Variants in SLC16A9 observed in about 807,000 individuals in gnomAD.
SLC16A9 encodes solute carrier family 16 member 9, also known as monocarboxylate transporter 9.
Under a neutral mutation model 44.3 loss-of-function variants are expected in SLC16A9, and 26 were observed. That is an observed-to-expected ratio of 0.59 (90% CI 0.43 to 0.81). SLC16A9 has a LOEUF of 0.81. SLC16A9 is among the 40% of genes least tolerant of loss of function. The pLI, the probability that SLC16A9 is intolerant of heterozygous loss-of-function variation, is 0.00. For synonymous variants in SLC16A9, 230 were observed against 225.1 expected (o/e 1.02, Z -0.19); for missense variants, 559 against 595.8 (o/e 0.94, Z 0.64).
At chr10:59,696,913 A>C in intron 1 of SLC16A9, among the ~76,000 whole-genome samples, 1 of 93,192 alleles carries the variant, frequency 1.1e-5, no homozygotes, top group Admixed American at 1.2e-4. Context: ...CCCGACAGCC[A>C]CCCCGTCCGG....
At chr10:59,680,527 T>C (rs984422601) in intron 2 of SLC16A9, among the ~76,000 whole-genome samples, 3 of 152,342 alleles carry the variant, frequency 2.0e-5, no homozygotes, top group South Asian at 2.1e-4. Context: ...GCATGAGTAG[T>C]GCCACACACA....
rs1470048246 is a variant in SLC16A9, at chr10:59,654,483, T to C, written c.543A>G (p.Ile181Met). ...GTCTCATCAGACTGCCACAGGCTAATATATTTAAAGCTAAAGCACCCACAA... is the reference window on the plus strand; with the variant it reads ...GTCTCATCAGACTGCCACAGGCTAACATATTTAAAGCTAAAGCACCCACAA... ...LLIVGALALNILACGSLMRPL... is the reference protein window; with the variant it reads ...LLIVGALALNMLACGSLMRPL... Residue 181 changes from isoleucine to methionine, a missense_variant, in exon 5 of 6, where the codon ATA becomes ATG. Coordinates refer to ENST00000395348, the MANE Select transcript of SLC16A9 (RefSeq NM_194298.3). The C allele has an allele frequency of 6.2e-6, 10 of 1,612,532 alleles. No homozygotes were observed. The highest frequency in any genetic ancestry group is 8.5e-6 in the Non-Finnish European group (10 of 1,180,042).
At chr10:59,703,592 G>A (rs1183456057) in intron 1 of SLC16A9, among the ~76,000 whole-genome samples, 1 of 152,170 alleles carries the variant, frequency 6.6e-6, no homozygotes, top group African/African-American at 2.4e-5. Context: ...AAGTCAGAAG[G>A]AATTTTGGAA....
At chr10:59,707,013 A>C (rs1445623567) in intron 1 of SLC16A9, among the ~76,000 whole-genome samples, 1 of 150,894 alleles carries the variant, frequency 6.6e-6, no homozygotes, top group African/African-American at 2.4e-5. Flanking sequence ...AAAAAAAAAA[A>C]AAAGGGAAGT....
chr10:59,673,224 T>G (rs73265514), intron 2 of SLC16A9, among the ~76,000 whole-genome samples: 11,399 of 152,228 alleles, frequency 0.075, 586 homozygotes, highest in African/African-American at 0.13. Flanking sequence ...TTGGTAGCTA[T>G]TCGGTCTTGG....
chr10:59,674,261 G>T (rs572506361), intron 2 of SLC16A9, among the ~76,000 whole-genome samples: 5 of 152,094 alleles, frequency 3.3e-5, no homozygotes, highest in Admixed American at 1.3e-4. Context: ...ACAGAGGTAG[G>T]TTCCAATAAC....
chr10:59,699,923 C>CAT (rs941618520), intron 1 of SLC16A9, among the ~76,000 whole-genome samples: 1 of 151,794 alleles, frequency 6.6e-6, no homozygotes, highest in Non-Finnish European at 1.5e-5. Context: ...CACACACACA[C>CAT]ACACACACAC....
chr10:59,685,527 CTCTTTCACTTGACAAATATCTGGAAGA>C (rs1380751839), intron 1 of SLC16A9, among the ~76,000 whole-genome samples: 3 of 152,178 alleles, frequency 2.0e-5, no homozygotes, highest in Non-Finnish European at 4.4e-5. Flanking sequence ...GTGCCTTGTT[CTCTTTCACTTGACAAATATCTGGAAGA>C]TCTTCCACAT....
At chr10:59,694,817 T>TATATATATATATATATATAC (rs145769219) in intron 1 of SLC16A9, among the ~76,000 whole-genome samples, 1 of 47,714 alleles carries the variant, frequency 2.1e-5, no homozygotes, top group African/African-American at 8.0e-5. Context: ...TATATATATA[T>TATATATATATATATATATAC]ACACACACAC....
intron 2 of SLC16A9, among the ~76,000 whole-genome samples, chr10:59,680,826 A>C (rs1839968726): frequency 6.6e-6 from 1 of 151,918 alleles, no homozygotes; most frequent in Non-Finnish European, 1.5e-5. Flanking sequence ...ACAAAAAATA[A>C]GAAAAAAATA....
chr10:59,678,872 G>A (rs1252038398), intron 2 of SLC16A9, among the ~76,000 whole-genome samples: 3 of 152,056 alleles, frequency 2.0e-5, no homozygotes, highest in East Asian at 1.9e-4. Context: ...AGCACACTGG[G>A]AACCTGCCAA....
At position 59,683,068 on chromosome 10, in the gene SLC16A9, A is replaced by G. The variant is rs1273493839; in HGVS notation, c.196+1028T>C. The stretch of plus-strand genomic sequence containing the variant: ...AGCATATTTAAAAGAAGGAATGACT[A>G]ATGCATTTTTCATGAAACCATTTTA... On this transcript the variant is annotated intron_variant, in intron 2 of 5. Transcript: ENST00000395348. Among the ~76,000 whole-genome samples the G allele has an allele frequency of 3.3e-5, 5 of 152,194 alleles. No homozygotes were observed. The East Asian group carries it at 9.6e-4, about 29-fold the overall frequency.
At chr10:59,704,450 G>T (rs1840596500) in intron 1 of SLC16A9, among the ~76,000 whole-genome samples, 1 of 152,162 alleles carries the variant, frequency 6.6e-6, no homozygotes, top group Non-Finnish European at 1.5e-5. Context: ...AACAGTTTCA[G>T]GATCCTTTAC....
At chr10:59,691,746 G>A (rs114666830) in intron 1 of SLC16A9, among the ~76,000 whole-genome samples, 1,682 of 152,192 alleles carry the variant, frequency 0.011, 33 homozygotes, top group African/African-American at 0.038. Context: ...CAGCACCTTC[G>A]ATTATGTTTA....
chr10:59,662,447 C>T (rs1029258330), intron 4 of SLC16A9, among the ~76,000 whole-genome samples: 3 of 151,428 alleles, frequency 2.0e-5, no homozygotes, highest in Non-Finnish European at 4.4e-5. Context: ...CCTCCATGGC[C>T]AATGTAGGGA....
At chr10:59,671,952 C>T (rs551578512) in intron 3 of SLC16A9, among the ~76,000 whole-genome samples, 5 of 152,096 alleles carry the variant, frequency 3.3e-5, no homozygotes, top group East Asian at 1.9e-4. Context: ...ATATTAGTTG[C>T]TACATTTTCT....
chr10:59,707,178 T>C (rs1365457374), intron 1 of SLC16A9, among the ~76,000 whole-genome samples: 1 of 143,034 alleles, frequency 7.0e-6, no homozygotes, highest in East Asian at 2.0e-4. Context: ...CTGAGCCTGG[T>C]GAAGTCGAGG....
intron 1 of SLC16A9, among the ~76,000 whole-genome samples, chr10:59,704,277 C>A (rs1161586780): frequency 1.3e-5 from 2 of 152,172 alleles, no homozygotes; most frequent in Non-Finnish European, 2.9e-5. Flanking sequence ...CCTCCACACA[C>A]CTACTACCCA....
chr10:59,671,750 T>C (rs935112543), intron 3 of SLC16A9, among the ~76,000 whole-genome samples: 3 of 152,102 alleles, frequency 2.0e-5, no homozygotes, highest in Admixed American at 2.0e-4. Flanking sequence ...CCCATATAAA[T>C]GGACTACTGA....
Sources: allele counts gnomAD v4.1 joint callset (sites outside exome capture counted in the v4.1 genomes callset), GRCh38; gene constraint gnomAD v4.1.1; transcripts MANE v1.5; gene names NCBI Gene and HGNC (gene_info 2026-07-23, HGNC 2026-07-21).